IGSF22: variants seen among roughly 807,000 people sequenced by gnomAD.
The protein encoded by IGSF22 is immunoglobulin superfamily, member 22.
In IGSF22, 119 loss-of-function variants were observed where a neutral mutation model predicts 127.0. The ratio of observed to expected loss-of-function variants is 0.94; its 90% CI spans 0.81 to 1.09. The LOEUF is 1.09. IGSF22 is among the 50% of genes least tolerant of loss of function. The pLI, the probability that IGSF22 is intolerant of heterozygous loss-of-function variation, is 0.00. For missense variants in IGSF22, 1,518 were observed against 1,716.6 expected (o/e 0.88, Z 2.04); for synonymous variants, 568 against 664.7 (o/e 0.85, Z 2.24).
chr11:18,718,100 C>T lies in IGSF22; in HGVS notation c.811-7G>A. 2 of 1,612,960 alleles carry T rather than the reference C, an allele frequency of 1.2e-6. No homozygotes were observed. The highest frequency in any genetic ancestry group is 1.1e-5 in the South Asian group (1 of 90,904). On this transcript the variant is annotated splice_region_variant and splice_polypyrimidine_tract_variant and intron_variant, in intron 8 of 22. Coordinates refer to ENST00000513874, the MANE Select transcript of IGSF22 (RefSeq NM_173588.4). ...TCCTCAGTGGCTCAGTACCCTGCCT[C>T]ATGGAACAGGTAGGAAAGCTGATGA...
chr11:18,720,383 A>G (rs1286108852), intron 4 of IGSF22, 98 bp from the exon 5 acceptor site: 5 of 786,242 alleles, frequency 6.4e-6, no homozygotes, highest in African/African-American at 5.3e-5. Context: ...TTTAGGGGAC[A>G]ATAGGAACTG....
chr11:18,719,227 C>T (rs1485093607), intron 7 of IGSF22, among the ~76,000 whole-genome samples: 3 of 152,186 alleles, frequency 2.0e-5, no homozygotes, highest in African/African-American at 7.2e-5. Flanking sequence ...TCACCGCAAC[C>T]TCCACCTCCT....
rs1186121027 is a variant in IGSF22 at position 18,719,969 on chromosome 11, A to G, written c.519-76T>C. 18 of 1,610,370 alleles carry G rather than the reference A, an allele frequency of 1.1e-5. No homozygotes were observed. The East Asian group carries it at 4.0e-4, about 36-fold the overall frequency. On this transcript the variant is annotated intron_variant, in intron 6 of 22. Transcript: ENST00000513874. Reference sequence around the variant, plus strand: ...TGAGAAACCCCTCCCTACTCCATGGATTCTTGGAACTCAGGGCCTTGTTGA... The same window carrying G: ...TGAGAAACCCCTCCCTACTCCATGGGTTCTTGGAACTCAGGGCCTTGTTGA...
intron 1 of IGSF22, among the ~76,000 whole-genome samples, chr11:18,725,362 G>A (rs2403322): frequency 0.18 from 26,705 of 152,050 alleles, 2,475 homozygotes; most frequent in South Asian, 0.26. Flanking sequence ...TCCTAGCCTC[G>A]ATTGATCCGC....
rs1365696365 is a variant in IGSF22 at position 18,710,361 on chromosome 11, C to T, written c.2667G>A (p.Val889=). The T allele has an allele frequency of 1.2e-6, 2 of 1,614,204 alleles. No individual in the cohort carries two copies. Among genetic ancestry groups the T allele is most frequent in the South Asian group, 2.2e-5 (2 of 91,084 alleles). Reference sequence around the variant, plus strand: ...CCTTGGCCACTACTGAGCTGGATGGCACACTGGGCTGTCCAGGGCCTGCCT... The same window carrying T: ...CCTTGGCCACTACTGAGCTGGATGGTACACTGGGCTGTCCAGGGCCTGCCT... ...VNKAGPGQPS[V]PSSSVVAKDP... is the part of the protein sequence containing the mutation. Residue 889 remains valine, a synonymous_variant, in exon 17 of 23, where the codon GTG becomes GTA. Coordinates refer to ENST00000513874, the MANE Select transcript of IGSF22 (RefSeq NM_173588.4).
Position 18,721,589 on chromosome 11 carries a change from G to A in IGSF22, c.324C>T (p.Ile108=), listed in dbSNP as rs1848574053. The change falls in exon 4 of 23, where the codon ATC becomes ATT. Residue 108 remains isoleucine, a synonymous_variant. Transcript: ENST00000513874. The part of the protein sequence containing the change: ...ISWKRESGIP[I]KESAKIFYDS... Reference sequence around the variant, plus strand: ...CGTAGAATATCTTGGCGGACTCCTTGATGGGGATGCCGCTCTCCCTCTTCC... The same window carrying A: ...CGTAGAATATCTTGGCGGACTCCTTAATGGGGATGCCGCTCTCCCTCTTCC... 8.7e-6 allele frequency: 14 copies of A among 1,614,242 alleles called. No individual in the cohort carries two copies. The highest frequency in any genetic ancestry group is 1.1e-5 in the Non-Finnish European group (13 of 1,180,044).
chr11:18,705,022 G>A (rs1848195584), intron 22 of IGSF22, among the ~76,000 whole-genome samples: 1 of 152,120 alleles, frequency 6.6e-6, no homozygotes. Context: ...GAGAGACAGA[G>A]CAACAGGACA....
intron 7 of IGSF22, among the ~76,000 whole-genome samples, chr11:18,719,179 C>CT (rs1848516805): frequency 1.3e-5 from 2 of 152,182 alleles, no homozygotes; most frequent in African/African-American, 2.4e-5. Flanking sequence ...GAGTCTTGCT[C>CT]TGTCACCCAG....
rs1432482464 is a variant in IGSF22, at chr11:18,709,336, T to G, written c.2998+51A>C. 6.4e-7 allele frequency: 1 copy of G among 1,561,334 alleles called. No homozygotes were observed. Among genetic ancestry groups the G allele is most frequent in the Admixed American group, 1.7e-5 (1 of 59,030 alleles). ...TGGGATGAGGCCCCAGAGGAGAAGG[T>G]TTGGAGGTACAATGTTGGGCATGAA... On this transcript the variant is annotated intron_variant, in intron 18 of 22. Coordinates refer to ENST00000513874, the MANE Select transcript of IGSF22 (RefSeq NM_173588.4). The surrounding 1 kb of genome is among the most constrained non-coding windows in gnomAD (Gnocchi z 4.8).
chr11:18,720,100 T>G lies in IGSF22; in HGVS notation c.482A>C (p.Gln161Pro), dbSNP rs771472830. Residue 161 changes from glutamine to proline, a missense_variant, in exon 6 of 23, where the codon CAA becomes CCA. By Grantham distance (76) the Gln-to-Pro change is moderately conservative (BLOSUM62 -1). This residue lies in a region of IGSF22 where 1,456 missense variants were observed against 1,644.9 expected (regional missense o/e 0.89). Coordinates refer to ENST00000513874, the MANE Select transcript of IGSF22 (RefSeq NM_173588.4). ...YTVSLLVTEG[Q>P]EKMDFKKMLK... is the part of the protein sequence containing the mutation. ...CATCTTTTTGAAGTCCATTTTCTCT[T>G]GACCTGAGGATAGACAGAGGGACAG... The G allele has an allele frequency of 5.6e-6, 9 of 1,614,090 alleles. No homozygotes were observed. The African/African-American group carries it at 1.1e-4, about 19-fold the overall frequency.
At position 18,709,769 on chromosome 11, in the gene IGSF22, C is replaced by T; in HGVS notation, c.2702-86G>A. 1 of 1,350,132 alleles carries T rather than the reference C, an allele frequency of 7.4e-7. No homozygotes were observed. The highest frequency in any genetic ancestry group is 1.0e-6 in the Non-Finnish European group (1 of 987,162). The allele number at this position is 1,350,132 out of a possible 1,614,324, so 83.6% of individuals were successfully genotyped here. A position where few individuals can be genotyped will look rare whatever the true frequency, so the allele number is the denominator to read the frequency against. ...ACTTCCCACACTCAATACTCCTGAA[C>T]CCCATCCTTCACTACTTCTAGCTCC... is the stretch of plus-strand genomic sequence containing the variant. On this transcript the variant is annotated intron_variant, in intron 17 of 22. Coordinates refer to ENST00000513874, the MANE Select transcript of IGSF22 (RefSeq NM_173588.4). The surrounding 1 kb of genome is among the most constrained non-coding windows in gnomAD (Gnocchi z 4.8).
rs775295411 is a variant in IGSF22, at chr11:18,707,858, A to C, written c.3226T>G (p.Leu1076Val). The change falls in exon 20 of 23, where the codon TTG becomes GTG. Residue 1076 changes from leucine to valine, a missense_variant. By Grantham distance (32) the Leu-to-Val change is conservative (BLOSUM62 1). Coordinates refer to ENST00000513874, the MANE Select transcript of IGSF22 (RefSeq NM_173588.4). ...KRSDSGVYRI[L>V]LQNEFGEARY... ...GCTTCTCCAAACTCATTCTGAAGCAAGATTCGGTACACCCCTGAGTCAGAG... is the reference window on the plus strand; with the variant it reads ...GCTTCTCCAAACTCATTCTGAAGCACGATTCGGTACACCCCTGAGTCAGAG... The C allele has an allele frequency of 1.9e-6, 3 of 1,613,834 alleles. No homozygotes were observed. In the South Asian group the frequency reaches 3.3e-5, roughly 18 times the overall value.
chr11:18,705,784 C>A, intron 22 of IGSF22, 33 bp downstream of exon 22: 2 of 1,507,018 alleles, frequency 1.3e-6, no homozygotes, highest in South Asian at 1.3e-5. Context: ...CGCCTCTCCC[C>A]CTCCTCGAGG....
intron 4 of IGSF22, 33 bp downstream of exon 4, chr11:18,721,502 C>A (rs756758768): frequency 1.2e-6 from 2 of 1,613,874 alleles, no homozygotes; most frequent in Non-Finnish European, 1.7e-6. Flanking sequence ...CTCTGGCCTT[C>A]TCGGTAACTG....
intron 4 of IGSF22, 111 bp downstream of exon 4, chr11:18,721,424 C>A: frequency 7.0e-7 from 1 of 1,438,558 alleles, no homozygotes; most frequent in Admixed American, 1.8e-5. Context: ...TCCCACTGCC[C>A]GGCTCTCGGG....
chr11:18,710,820 C>T lies in IGSF22; in HGVS notation c.2407G>A (p.Gly803Ser). 3 of 1,612,396 alleles carry T rather than the reference C, an allele frequency of 1.9e-6. No homozygotes were observed. Among genetic ancestry groups the T allele is most frequent in the Non-Finnish European group, 2.5e-6 (3 of 1,178,510 alleles). ...VFAGNPIEPP[G>S]FASQPQVTDV... is the part of the protein sequence containing the mutation. Reference sequence around the variant, plus strand: ...GTCACTTGAGGCTGGGAGGCAAAACCAGGAGGCTCTGTGGGGGAAAGAGAG... The same window carrying T: ...GTCACTTGAGGCTGGGAGGCAAAACTAGGAGGCTCTGTGGGGGAAAGAGAG... The change falls in exon 16 of 23, where the codon GGT (glycine) becomes AGT (serine). Residue 803 changes from glycine (G) to serine (S), a missense_variant. Gly to Ser is a moderately conservative substitution (Grantham distance 56). Coordinates refer to ENST00000513874, the MANE Select transcript of IGSF22 (RefSeq NM_173588.4).
At chr11:18,721,887 G>T in intron 3 of IGSF22, 23 bp downstream of exon 3, 1 of 1,611,122 alleles carries the variant, frequency 6.2e-7, no homozygotes. Flanking sequence ...CTGGAGCCCG[G>T]TGAGCCACAG....
At chr11:18,705,526 T>G (rs1241154242) in intron 22 of IGSF22, 5 of 455,570 alleles carry the variant, frequency 1.1e-5, no homozygotes, top group Admixed American at 3.8e-5. Flanking sequence ...TCTGGTTGAG[T>G]CCTGATCACC....
intron 9 of IGSF22, 22 bp from the exon 10 acceptor site, chr11:18,717,022 G>A (rs767578686): frequency 6.2e-7 from 1 of 1,612,472 alleles, no homozygotes. Flanking sequence ...AGTAGGAGTG[G>A]TAGTCATTGG....
Sources: gnomAD v4.1 joint callset for allele counts (sites outside exome capture counted in the v4.1 genomes callset) on GRCh38, gnomAD v4.1.1 for gene constraint, gnomAD v4.1.1 regional missense constraint, Gnocchi (gnomAD v3.1) non-coding constraint, MANE v1.5 for transcripts, NCBI Gene and HGNC (gene_info 2026-07-23, HGNC 2026-07-21) for gene names.